Variants in ALDOB observed in about 807,000 individuals in gnomAD.
ALDOB encodes fructose-bisphosphate aldolase B.
ALDOB carries 39 observed loss-of-function variants against 41.0 expected under a neutral mutation model. The observed-to-expected ratio is 0.95, with a 90% CI of 0.74 to 1.24. The LOEUF is 1.24. ALDOB is among the 50% of genes most tolerant of loss of function. The pLI is 0.00. For synonymous variants in ALDOB, 175 were observed against 168.8 expected (o/e 1.04, Z -0.28); for missense variants, 530 against 457.3 (o/e 1.16, Z -1.45).
rs549238804 is a variant in ALDOB, at chr9:101,434,502, A to G, written c.-11+1207T>C. The stretch of plus-strand genomic sequence containing the variant: ...GTTCATTTGCTTCTCTATGTACAAG[A>G]CAAATGGATTTTTAAGGCAAATATG... On this transcript the variant is annotated intron_variant, in intron 1 of 8. Transcript: ENST00000647789. Among the ~76,000 whole-genome samples the G allele has an allele frequency of 2.2e-4, 33 of 152,362 alleles. 1 individual carries two copies. In the South Asian group the frequency reaches 4.6e-3, roughly 21 times the overall value.
chr9:101,424,136 G>C (rs181188551), intron 8 of ALDOB, among the ~76,000 whole-genome samples: 1 of 152,054 alleles, frequency 6.6e-6, no homozygotes, highest in African/African-American at 2.4e-5. Flanking sequence ...TTGTTTACCC[G>C]GCTGGGTGTG....
chr9:101,427,644 T>G lies in ALDOB; in HGVS notation c.380-2A>C, dbSNP rs1300461861. On this transcript the variant is annotated splice_acceptor_variant, in intron 4 of 8. Coordinates refer to ENST00000647789, the MANE Select transcript of ALDOB (RefSeq NM_000035.4). LOFTEE classifies it high-confidence loss of function. ...AGCGCTCTGAGAGGCCATCAAGCCC[T>G]GCAAGTCACAAAAGAGAGAAAGGCT... is the stretch of plus-strand genomic sequence containing the variant. The G allele has an allele frequency of 1.2e-6, 2 of 1,613,912 alleles. No individual in the cohort carries two copies. The highest frequency in any genetic ancestry group is 1.7e-6 in the Non-Finnish European group (2 of 1,180,018).
At position 101,421,500 on chromosome 9, in the gene ALDOB, AGTT is replaced by A. The variant is rs1377257062; in HGVS notation, c.*306_*308del. 2 of 422,434 alleles carry A rather than the reference AGTT, an allele frequency of 4.7e-6. No individual in the cohort carries two copies. Among genetic ancestry groups the A allele is most frequent in the Non-Finnish European group, 8.9e-6 (2 of 225,520 alleles). The allele number at this position is 422,434 out of a possible 1,614,324, so 26.2% of individuals were successfully genotyped here. A position where few individuals can be genotyped will look rare whatever the true frequency, so the allele number is the denominator to read the frequency against. On this transcript the variant is annotated 3_prime_UTR_variant, in exon 9 of 9. Coordinates refer to ENST00000647789, the MANE Select transcript of ALDOB (RefSeq NM_000035.4). ...CAGCTAATGAGGTGTTTCAATCAGC[AGTT>A]GTTCTTTGGATGAGGAGCCGATATT...
chr9:101,427,584 C>G lies in ALDOB; in HGVS notation c.438G>C (p.Gly146=). ...AQYKKDGVDF[G]KWRAVLRIAD... is the part of the protein sequence containing the mutation. ...CAATCCTCAGCACAGCACGCCACTT[C>G]CCAAAGTCAACACCATCTTTCTTGT... Residue 146 remains glycine, a synonymous_variant, in exon 5 of 9, where the codon GGG becomes GGC. Transcript: ENST00000647789. 6.2e-7 allele frequency: 1 copy of G among 1,614,170 alleles called. No homozygotes were observed. The highest frequency in any genetic ancestry group is 8.5e-7 in the Non-Finnish European group (1 of 1,180,026).
rs771004498 is a variant in ALDOB at position 101,429,790 on chromosome 9, T to C, written c.289A>G (p.Ile97Val). 2 of 1,614,164 alleles carry C rather than the reference T, an allele frequency of 1.2e-6. No individual in the cohort carries two copies. The highest frequency in any genetic ancestry group is 3.3e-5 in the Admixed American group (2 of 60,024). Residue 97 changes from isoleucine (I) to valine (V), a missense_variant, in exon 3 of 9, where the codon ATC (isoleucine) becomes GTC (valine). By Grantham distance (29) the Ile-to-Val change is conservative (BLOSUM62 3). Transcript: ENST00000647789. ...ACCACGATCCCCTTTTCCTTGAGGA[T>C]GTTTCTGAACAGCTTTCCCTGGCTG... is the stretch of plus-strand genomic sequence containing the variant. ...KDSQGKLFRN[I>V]LKEKGIVVGI...
Position 101,425,578 on chromosome 9 carries a change from T to C in ALDOB, c.674A>G (p.Glu225Gly), listed in dbSNP as rs200102975. The change falls in exon 7 of 9, where the codon GAG becomes GGG. Residue 225 changes from glutamate to glycine, a missense_variant. By Grantham distance (98) the Glu-to-Gly change is moderately conservative. Transcript: ENST00000647789. ...CATGTTGGGCTTTAGCAGGGTGCCC[T>C]CCAGGTAAACATGATGGTCATTCAG... ...KALNDHHVYL[E>G]GTLLKPNMVT... is the part of the protein sequence containing the mutation. 6.2e-7 allele frequency: 1 copy of C among 1,614,068 alleles called. No homozygotes were observed.
At chr9:101,425,987 C>T (rs1201276014) in intron 6 of ALDOB, among the ~76,000 whole-genome samples, 3 of 152,140 alleles carry the variant, frequency 2.0e-5, no homozygotes, top group Admixed American at 6.5e-5. Context: ...TCTAAACGGG[C>T]CTCCACTGTC....
intron 1 of ALDOB, 136 bp from the exon 2 acceptor site, chr9:101,431,033 C>A (rs772363424): frequency 2.8e-6 from 2 of 702,116 alleles, no homozygotes. Context: ...GGTGGATAAG[C>A]AAATGAGGTT....
intron 3 of ALDOB, among the ~76,000 whole-genome samples, chr9:101,429,157 A>T (rs1302457256): frequency 2.1e-5 from 3 of 144,160 alleles, no homozygotes; most frequent in African/African-American, 2.6e-5. Flanking sequence ...TTTTTTTTAG[A>T]CAGGATCTTA....
chr9:101,426,714 T>C, intron 5 of ALDOB, 76 bp from the exon 6 acceptor site: 1 of 892,034 alleles, frequency 1.1e-6, no homozygotes, highest in East Asian at 2.4e-5. Context: ...GATTCAACAG[T>C]TGCAATTGGT....
intron 6 of ALDOB, 115 bp from the exon 7 acceptor site, chr9:101,425,742 G>T: frequency 8.4e-7 from 1 of 1,196,758 alleles, no homozygotes; most frequent in Non-Finnish European, 1.2e-6. Context: ...TTGTTGCTTG[G>T]CAAAAGCTTC....
At chr9:101,427,751 G>T in intron 4 of ALDOB, 109 bp from the exon 5 acceptor site, 1 of 1,372,730 alleles carries the variant, frequency 7.3e-7, no homozygotes, top group Non-Finnish European at 1.0e-6. Context: ...AATCCACTGT[G>T]CTTGAGGATT....
chr9:101,429,996 G>A, intron 2 of ALDOB, 30 bp from the exon 3 acceptor site: 1 of 1,599,744 alleles, frequency 6.3e-7, no homozygotes, highest in Non-Finnish European at 8.6e-7. Context: ...GGCAGCATAA[G>A]GAGCAAGCCA....
At chr9:101,430,507 A>T (rs1831201021) in intron 2 of ALDOB, among the ~76,000 whole-genome samples, 1 of 152,182 alleles carries the variant, frequency 6.6e-6, no homozygotes, top group African/African-American at 2.4e-5. Context: ...ATCTGACCTT[A>T]TGCTAGTTAC....
At chr9:101,427,375 T>G in intron 5 of ALDOB, 107 bp downstream of exon 5, 2 of 1,402,884 alleles carry the variant, frequency 1.4e-6, no homozygotes, top group Non-Finnish European at 2.0e-6. Flanking sequence ...TAGGATATAC[T>G]GGTGAGGGAA....
intron 3 of ALDOB, among the ~76,000 whole-genome samples, chr9:101,429,550 C>A (rs111241833): frequency 2.0e-5 from 3 of 151,784 alleles, no homozygotes; most frequent in South Asian, 4.2e-4. Flanking sequence ...AGATTAAGAA[C>A]GTGTAGAAAA....
chr9:101,429,626 T>A, intron 3 of ALDOB, 129 bp downstream of exon 3: 1 of 912,564 alleles, frequency 1.1e-6, no homozygotes, highest in Non-Finnish European at 1.8e-6. Flanking sequence ...TGTGGGAAGA[T>A]GACGATGGAA....
chr9:101,421,550 T>G lies in ALDOB; in HGVS notation c.*259A>C. The stretch of plus-strand genomic sequence containing the variant: ...TATTGTTTTAAAGCCTATTATTTTC[T>G]TGGGTGGGTATTCTGGAGCATGGGG... On this transcript the variant is annotated 3_prime_UTR_variant, in exon 9 of 9. Coordinates refer to ENST00000647789, the MANE Select transcript of ALDOB (RefSeq NM_000035.4). 1.9e-6 allele frequency: 1 copy of G among 527,340 alleles called. No individual in the cohort carries two copies. Among genetic ancestry groups the G allele is most frequent in the Non-Finnish European group, 3.4e-6 (1 of 291,306 alleles). 32.7% of individuals were successfully genotyped at this position (527,340 alleles called of 1,614,324 possible). A position where few individuals can be genotyped will look rare whatever the true frequency, so the allele number is the denominator to read the frequency against.
chr9:101,425,983 C>T (rs897900579), intron 6 of ALDOB, among the ~76,000 whole-genome samples: 5 of 152,144 alleles, frequency 3.3e-5, no homozygotes, highest in African/African-American at 4.8e-5. Flanking sequence ...GTCATCTAAA[C>T]GGGCCTCCAC....
Sources: allele counts gnomAD v4.1 joint callset (sites outside exome capture counted in the v4.1 genomes callset), GRCh38; gene constraint gnomAD v4.1.1; transcripts MANE v1.5; gene names NCBI Gene and HGNC (gene_info 2026-07-23, HGNC 2026-07-21).